Variants in NHERF4 observed in about 807,000 individuals in gnomAD.
The protein encoded by NHERF4 is NHERF family PDZ scaffold protein 4.
chr11:119,187,550 T>G, the NHERF4 span: 4 of 1,602,142 alleles, frequency 2.5e-6, no homozygotes, highest in Non-Finnish European at 3.4e-6. Flanking sequence ...CTTGCTTTTT[T>G]TTTTAATTTC....
chr11:119,187,350 T>C, the NHERF4 span: 1 of 1,613,732 alleles, frequency 6.2e-7, no homozygotes, highest in Non-Finnish European at 8.5e-7. Context: ...TGGCCCGAGC[T>C]CAGCTGGGAG....
At chr11:119,189,476 C>T in the NHERF4 span, 1 of 1,614,134 alleles carries the variant, frequency 6.2e-7, no homozygotes, top group East Asian at 2.2e-5. The surrounding 1 kb of genome is among the most constrained non-coding windows in gnomAD (Gnocchi z 5.8). Flanking sequence ...TGGGCTCTGG[C>T]CTCGGATCTA....
the NHERF4 span, chr11:119,186,176 C>CA: frequency 6.2e-7 from 1 of 1,614,182 alleles, no homozygotes; most frequent in South Asian, 1.1e-5. This position sits in a 1 kb window ranked among gnomAD's most constrained non-coding sequence, Gnocchi z 4.4. Flanking sequence ...GTAACTCCCT[C>CA]ACCCCCTGGC....
At chr11:119,188,954 C>A in the NHERF4 span, 3 of 1,612,776 alleles carry the variant, frequency 1.9e-6, no homozygotes, top group Admixed American at 5.0e-5. Flanking sequence ...AGCCTAAAGC[C>A]AGCAAACTTT....
At chr11:119,187,840 C>T in the NHERF4 span, 47 of 1,464,322 alleles carry the variant, frequency 3.2e-5, no homozygotes, top group Middle Eastern at 5.0e-4. Context: ...ACAGTTTGTG[C>T]CAGGCTCCAC....
the NHERF4 span, chr11:119,186,541 G>A: frequency 6.2e-7 from 1 of 1,614,174 alleles, no homozygotes; most frequent in Non-Finnish European, 8.5e-7. This position sits in a 1 kb window ranked among gnomAD's most constrained non-coding sequence, Gnocchi z 4.4. Context: ...CAAGAGTTTT[G>A]GCTTCCACCT....
At chr11:119,187,028 A>G in the NHERF4 span, among the ~76,000 whole-genome samples, 1 of 151,596 alleles carries the variant, frequency 6.6e-6, no homozygotes, top group Non-Finnish European at 1.5e-5. Context: ...AATCCCAGCT[A>G]CTCGGGAGGG....
chr11:119,187,309 C>A, the NHERF4 span: 1 of 1,611,924 alleles, frequency 6.2e-7, no homozygotes, highest in Non-Finnish European at 8.5e-7. Flanking sequence ...TCGGGTGTTG[C>A]TGACAGTATT....
chr11:119,189,652 A>T, the NHERF4 span: 7 of 767,296 alleles, frequency 9.1e-6, no homozygotes, highest in Non-Finnish European at 1.6e-5. This position sits in a 1 kb window ranked among gnomAD's most constrained non-coding sequence, Gnocchi z 5.8. Context: ...CTGCAGGCCC[A>T]CCTGCCAGCA....
the NHERF4 span, chr11:119,188,805 G>A: frequency 1.2e-6 from 2 of 1,614,194 alleles, no homozygotes; most frequent in African/African-American, 2.7e-5. Flanking sequence ...CCCTGGGCCT[G>A]GTGGCAGCTA....
chr11:119,189,845 AT>A, the NHERF4 span: 5 of 369,966 alleles, frequency 1.4e-5, no homozygotes. This position sits in a 1 kb window ranked among gnomAD's most constrained non-coding sequence, Gnocchi z 5.8. Context: ...TAATGCAAAA[AT>A]TTGGAGACCA....
chr11:119,187,608 G>T, the NHERF4 span: 1 of 1,583,138 alleles, frequency 6.3e-7, no homozygotes, highest in Non-Finnish European at 8.6e-7. Context: ...TGGAGGAGCA[G>T]CTGAGCGGGC....
At chr11:119,186,390 A>C in the NHERF4 span, 2 of 1,561,738 alleles carry the variant, frequency 1.3e-6, no homozygotes, top group Non-Finnish European at 1.8e-6. The surrounding 1 kb of genome is among the most constrained non-coding windows in gnomAD (Gnocchi z 4.4). Context: ...GCACCCTATC[A>C]GGACACAGGG....
the NHERF4 span, chr11:119,189,269 A>C: frequency 2.6e-6 from 4 of 1,545,964 alleles, no homozygotes; most frequent in Admixed American, 1.9e-5. The surrounding 1 kb of genome is among the most constrained non-coding windows in gnomAD (Gnocchi z 5.8). Context: ...GTGAGAAAGA[A>C]GGGCAGAGTG....
At chr11:119,188,677 A>C in the NHERF4 span, 15 of 1,614,142 alleles carry the variant, frequency 9.3e-6, no homozygotes, top group Non-Finnish European at 1.3e-5. Flanking sequence ...GAGAACACAG[A>C]GGCTCCCGCC....
chr11:119,187,353 G>T, the NHERF4 span: 33 of 1,613,804 alleles, frequency 2.0e-5, no homozygotes, highest in Admixed American at 8.3e-5. Flanking sequence ...CCCGAGCTCA[G>T]CTGGGAGAAG....
the NHERF4 span, chr11:119,188,072 C>T: frequency 6.4e-7 from 1 of 1,551,760 alleles, no homozygotes; most frequent in Non-Finnish European, 8.7e-7. Flanking sequence ...GCCCCGCTGC[C>T]TGCACCTGGA....
chr11:119,188,873 T>C, the NHERF4 span: 3 of 1,613,294 alleles, frequency 1.9e-6, no homozygotes, highest in South Asian at 3.3e-5. Flanking sequence ...CCCAGGTGAC[T>C]GATGCCCCAT....
the NHERF4 span, chr11:119,187,560 C>A: frequency 1.9e-6 from 3 of 1,595,080 alleles, no homozygotes; most frequent in Non-Finnish European, 2.6e-6. Flanking sequence ...TTTTTAATTT[C>A]TAGGCAATCA....
Sources: gnomAD v4.1 joint callset for allele counts (sites outside exome capture counted in the v4.1 genomes callset) on GRCh38, gnomAD v4.1.1 for gene constraint, Gnocchi (gnomAD v3.1) non-coding constraint, MANE v1.5 for transcripts, NCBI Gene and HGNC (gene_info 2026-07-23, HGNC 2026-07-21) for gene names.